The following ATAD3B variants were observed in gnomAD, a reference collection of about 807,000 sequenced individuals.
The protein encoded by ATAD3B is ATPase family AAA domain-containing protein 3B.
A neutral mutation model predicts 70.2 loss-of-function variants in ATAD3B; 59 were observed. That is an observed-to-expected ratio of 0.84 (90% CI 0.68 to 1.04). The LOEUF (loss-of-function observed/expected upper bound fraction) is 1.04, where lower values mean the gene tolerates loss of function less well. ATAD3B is among the 50% of genes least tolerant of loss of function. The probability of loss-of-function intolerance (pLI) is 0.00; values close to 1 mark genes in which losing one functional copy is unlikely to be tolerated. For synonymous variants in ATAD3B, 423 were observed against 388.6 expected, an observed-to-expected ratio of 1.09 and a Z score of -1.04; for missense variants, 961 against 913.4, an observed-to-expected ratio of 1.05 and a Z score of -0.67.
At chr1:1,482,681 C>T (rs763373069) in intron 7 of ATAD3B, 67 bp downstream of exon 7, 3 of 1,609,752 alleles carry the variant, frequency 1.9e-6, no homozygotes, top group Non-Finnish European at 2.5e-6. Context: ...CTCCTGGAGC[C>T]CCAGGTCCTG....
chr1:1,472,038 C>G lies in ATAD3B; in HGVS notation c.154C>G (p.Pro52Ala). The G allele has an allele frequency of 8.1e-7, 1 of 1,233,542 alleles. No individual in the cohort carries two copies. Among genetic ancestry groups the G allele is most frequent in the South Asian group, 4.0e-5 (1 of 24,864 alleles). The allele number at this position is 1,233,542 out of a possible 1,614,324, so 76.4% of individuals were successfully genotyped here. ...CAAGGACAAATGGAGCAACTTCGAC[C>G]CCACCGGCCTGGAGCGCGCCGCCAA... The part of the protein sequence containing the change: ...APKDKWSNFD[P>A]TGLERAAKAA... The change falls in exon 1 of 16, where the codon CCC becomes GCC. Residue 52 changes from proline to alanine, a missense_variant. Pro to Ala is a conservative substitution (Grantham distance 27). This residue lies in a region of ATAD3B where 187 missense variants were observed against 244.3 expected (regional missense o/e 0.77). Transcript: ENST00000673477.
Position 1,486,789 on chromosome 1 carries a change from A to G in ATAD3B, c.1214+121A>G. Reference sequence around the variant, plus strand: ...TTTCTGCAGCTCTGTCCTTGTGGCCACGCAGGAGGCCCAATGGAGGGTCCC... The same window carrying G: ...TTTCTGCAGCTCTGTCCTTGTGGCCGCGCAGGAGGCCCAATGGAGGGTCCC... On this transcript the variant is annotated intron_variant, in intron 11 of 15. Transcript: ENST00000673477. The G allele has an allele frequency of 5.4e-6, 8 of 1,484,330 alleles. No individual in the cohort carries two copies. The South Asian group carries it at 1.1e-4, about 20-fold the overall frequency. The allele number at this position is 1,484,330 out of a possible 1,614,324, so 91.9% of individuals were successfully genotyped here.
intron 1 of ATAD3B, among the ~76,000 whole-genome samples, chr1:1,476,660 C>T (rs1639606338): frequency 1.3e-5 from 2 of 151,676 alleles, no homozygotes; most frequent in Admixed American, 6.6e-5. Context: ...AAGTGCCCGC[C>T]GCCACGCCCG....
At chr1:1,494,556 G>A (rs1196661546) in intron 15 of ATAD3B, among the ~76,000 whole-genome samples, 1 of 151,964 alleles carries the variant, frequency 6.6e-6, no homozygotes, top group South Asian at 2.1e-4. Flanking sequence ...TCCGGTCGGT[G>A]TCTCCCCACA....
In ATAD3B at chr1:1,495,897, G is replaced by C. The variant is rs1018659709; in HGVS notation, c.*80G>C. On this transcript the variant is annotated 3_prime_UTR_variant, in exon 16 of 16. Coordinates refer to ENST00000673477, the MANE Select transcript of ATAD3B (RefSeq NM_031921.6). ...GATGCATTTTCCGTCTGGCTCACAG[G>C]GGGAGGGTGAGGCTTTGTACCCCAG... 50 of 1,470,480 alleles carry C rather than the reference G, an allele frequency of 3.4e-5. No individual in the cohort carries two copies. The highest frequency in any genetic ancestry group is 1.4e-4 in the African/African-American group (10 of 71,140). 91.1% of individuals were successfully genotyped at this position (1,470,480 alleles called of 1,614,324 possible).
intron 15 of ATAD3B, among the ~76,000 whole-genome samples, chr1:1,492,864 G>T (rs1313567786): frequency 1.3e-5 from 2 of 151,514 alleles, no homozygotes; most frequent in Non-Finnish European, 3.0e-5. Context: ...GCTTGAACCC[G>T]GGAGGTGGAG....
Position 1,496,196 on chromosome 1 carries a change from T to G in ATAD3B, c.*379T>G. 9.8e-7 allele frequency: 1 copy of G among 1,019,538 alleles called. No homozygotes were observed. Among genetic ancestry groups the G allele is most frequent in the Non-Finnish European group, 1.2e-6 (1 of 852,016 alleles). 63.2% of individuals were successfully genotyped at this position (1,019,538 alleles called of 1,614,324 possible). A position where few individuals can be genotyped will look rare whatever the true frequency, so the allele number is the denominator to read the frequency against. The stretch of plus-strand genomic sequence containing the variant: ...TGTTTATCTAATAAAGTCCCACAGG[T>G]GCCTCACCGCCGTGTCTCTCTATTG... On this transcript the variant is annotated 3_prime_UTR_variant, in exon 16 of 16. Transcript: ENST00000673477.
chr1:1,483,470 A>T (rs556395758), intron 7 of ATAD3B: 1 of 200,746 alleles, frequency 5.0e-6, no homozygotes, highest in South Asian at 7.1e-5. Context: ...TCTGTCTCAA[A>T]AAAACAAACA....
At chr1:1,488,486 CA>C (rs1259137670) in intron 12 of ATAD3B, among the ~76,000 whole-genome samples, 2 of 152,090 alleles carry the variant, frequency 1.3e-5, no homozygotes, top group African/African-American at 4.8e-5. Context: ...CTTGGCCTGG[CA>C]CAGTGGCTCA....
In ATAD3B at chr1:1,495,611, G is replaced by A; in HGVS notation, c.1741G>A (p.Val581Ile). ...GAAGGCGGAGGGGCCTGGGCGCGGG[G>A]TCGAGCACCCCCTATCCGGAGTCCA... The part of the protein sequence containing the change: ...WLKAEGPGRG[V>I]EHPLSGVQGE... The change falls in exon 16 of 16, where the codon GTC (valine) becomes ATC (isoleucine). Residue 581 changes from valine to isoleucine, a missense_variant. Val to Ile is a conservative substitution (Grantham distance 29). Transcript: ENST00000673477. 1 of 1,613,082 alleles carries A rather than the reference G, an allele frequency of 6.2e-7. No individual in the cohort carries two copies. The highest frequency in any genetic ancestry group is 8.5e-7 in the Non-Finnish European group (1 of 1,179,486).
downstream of ATAD3B, among the ~76,000 whole-genome samples, chr1:1,500,594 CA>C (rs1437182178): frequency 6.7e-6 from 1 of 148,366 alleles, no homozygotes; most frequent in African/African-American, 2.5e-5. Flanking sequence ...AATAAGACTT[CA>C]TTCAGTCTAA....
Position 1,490,812 on chromosome 1 carries a change from C to G in ATAD3B, c.1614+141C>G. 2.0e-6 allele frequency: 3 copies of G among 1,465,732 alleles called. 1 individual carries two copies. The highest frequency in any genetic ancestry group is 1.4e-5 in the South Asian group (1 of 73,274). 90.8% of individuals were successfully genotyped at this position (1,465,732 alleles called of 1,614,324 possible). On this transcript the variant is annotated intron_variant, in intron 15 of 15. Transcript: ENST00000673477. ...TTCAGTGCACAGACGTGACACAGGG[C>G]CCCCTGCCTCAGTCGGGCCACTCCA...
downstream of ATAD3B, among the ~76,000 whole-genome samples, chr1:1,498,789 T>C (rs1288410057): frequency 1.3e-5 from 2 of 151,416 alleles, no homozygotes; most frequent in East Asian, 3.9e-4. Flanking sequence ...CACTGTGTTT[T>C]ATGTAAATTT....
intron 2 of ATAD3B, chr1:1,478,420 C>A (rs542720956): frequency 2.6e-6 from 4 of 1,509,850 alleles, no homozygotes; most frequent in African/African-American, 1.4e-5. Flanking sequence ...CCTCCCTCCC[C>A]GGGGGCCTTC....
At chr1:1,487,167 C>T (rs1391933823) in intron 11 of ATAD3B, among the ~76,000 whole-genome samples, 1 of 152,080 alleles carries the variant, frequency 6.6e-6, no homozygotes, top group African/African-American at 2.4e-5. Flanking sequence ...TGGCACCCTC[C>T]CCTCTGGCCT....
At chr1:1,495,213 C>T (rs1411107379) in intron 15 of ATAD3B, among the ~76,000 whole-genome samples, 3 of 151,970 alleles carry the variant, frequency 2.0e-5, no homozygotes, top group East Asian at 1.9e-4. Context: ...CTGGGTCAGC[C>T]GTCAGTGGTG....
chr1:1,495,358 C>G, intron 15 of ATAD3B, 127 bp from the exon 16 acceptor site: 1 of 1,308,650 alleles, frequency 7.6e-7, no homozygotes. Context: ...GTGTGGGAAG[C>G]CTGTGTTTCA....
chr1:1,494,520 C>T (rs1640682585), intron 15 of ATAD3B, among the ~76,000 whole-genome samples: 1 of 151,618 alleles, frequency 6.6e-6, no homozygotes, highest in Non-Finnish European at 1.5e-5. Flanking sequence ...CGCTCCCGGG[C>T]CCCCGACCCA....
intron 15 of ATAD3B, among the ~76,000 whole-genome samples, chr1:1,492,500 A>G (rs1234953728): frequency 6.6e-6 from 1 of 151,146 alleles, no homozygotes; most frequent in Non-Finnish European, 1.5e-5. Flanking sequence ...AATAATAAGA[A>G]GAATAATAAT....
Sources: gnomAD v4.1 joint callset for allele counts (sites outside exome capture counted in the v4.1 genomes callset) on GRCh38, gnomAD v4.1.1 for gene constraint, gnomAD v4.1.1 regional missense constraint, MANE v1.5 for transcripts, NCBI Gene and HGNC (gene_info 2026-07-23, HGNC 2026-07-21) for gene names.